Variants in KIAA1143 observed in about 807,000 individuals in gnomAD.
KIAA1143 encodes uncharacterized protein KIAA1143.
In KIAA1143, 8 loss-of-function variants were observed where a neutral mutation model predicts 17.0. That is an observed-to-expected ratio of 0.47 (90% CI 0.28 to 0.85). The LOEUF (loss-of-function observed/expected upper bound fraction) is 0.85, where lower values mean the gene tolerates loss of function less well. Among genes scored for constraint, KIAA1143 ranks in the 40% least tolerant of loss-of-function variants. The probability of loss-of-function intolerance (pLI) is 0.12; values close to 1 mark genes in which losing one functional copy is unlikely to be tolerated. For missense variants in KIAA1143, 162 were observed against 183.3 expected (o/e 0.88, Z 0.67); for synonymous variants, 64 against 67.8 (o/e 0.94, Z 0.27).
chr3:44,755,989 CTA>C (rs1227744625), intron 1 of KIAA1143, among the ~76,000 whole-genome samples: 1 of 152,202 alleles, frequency 6.6e-6, no homozygotes, highest in Non-Finnish European at 1.5e-5. Context: ...TTAATGGTAT[CTA>C]TGTTAGTTCA....
At chr3:44,760,104 T>C (rs902257950) in intron 1 of KIAA1143, among the ~76,000 whole-genome samples, 2 of 152,152 alleles carry the variant, frequency 1.3e-5, no homozygotes, top group Non-Finnish European at 2.9e-5. Flanking sequence ...CTTCACACTT[T>C]TCTTCTGCAG....
At chr3:44,759,121 C>T (rs141269390) in intron 1 of KIAA1143, among the ~76,000 whole-genome samples, 411 of 152,252 alleles carry the variant, frequency 2.7e-3, no homozygotes, top group Middle Eastern at 6.8e-3. Flanking sequence ...GCCTTGACTT[C>T]CCAAAGTGCT....
At chr3:44,754,474 G>T in intron 1 of KIAA1143, 106 bp from the exon 2 acceptor site, 1 of 1,058,864 alleles carries the variant, frequency 9.4e-7, no homozygotes, top group South Asian at 1.6e-5. Flanking sequence ...TATCTTTATT[G>T]AGTAAATAAG....
rs758194166 is a variant in KIAA1143, at chr3:44,761,478, G to T, written c.108+17C>A. 3.8e-6 allele frequency: 6 copies of T among 1,590,776 alleles called. No individual in the cohort carries two copies. Among genetic ancestry groups the T allele is most frequent in the African/African-American group, 1.3e-5 (1 of 74,154 alleles). On this transcript the variant is annotated intron_variant, in intron 1 of 2. Coordinates refer to ENST00000296121, the MANE Select transcript of KIAA1143 (RefSeq NM_020696.4). ...GCTGGCTGCGCTTCCGAAGAAACAC[G>T]ACTGGCGAAGGCTCACCTTAGTCTC...
At chr3:44,753,793 T>G (rs1347231088) in intron 2 of KIAA1143, among the ~76,000 whole-genome samples, 1 of 152,218 alleles carries the variant, frequency 6.6e-6, no homozygotes, top group Non-Finnish European at 1.5e-5. Context: ...GTTGTATTTT[T>G]AAGTAGTTTG....
Position 44,761,605 on chromosome 3 carries a change from T to C in KIAA1143, c.-3A>G. 2.5e-6 allele frequency: 4 copies of C among 1,569,824 alleles called. No individual in the cohort carries two copies. The highest frequency in any genetic ancestry group is 3.4e-6 in the Non-Finnish European group (4 of 1,165,242). ...GATACCTGGTTCCGCTTGCTCATGG[T>C]AGCTCTGGGTAAAGACAGAAGACAG... On this transcript the variant is annotated 5_prime_UTR_variant, in exon 1 of 3. Transcript: ENST00000296121.
intron 1 of KIAA1143, among the ~76,000 whole-genome samples, chr3:44,754,846 AT>A (rs1559510851): frequency 6.6e-6 from 1 of 152,176 alleles, no homozygotes; most frequent in East Asian, 1.9e-4. Context: ...TTTGGTGGAT[AT>A]TCTATCAGCT....
intron 1 of KIAA1143, 61 bp downstream of exon 1, chr3:44,761,434 C>A: frequency 7.1e-7 from 1 of 1,401,898 alleles, no homozygotes; most frequent in Non-Finnish European, 1.0e-6. Context: ...CAAGTAGAGG[C>A]AAAAGTTGAA....
rs1187270358 is a variant in KIAA1143, at chr3:44,749,382, C to CT, written c.*3958dup. The CT allele has an allele frequency of 6.6e-6, 1 of 152,164 alleles. No homozygotes were observed. The highest frequency in any genetic ancestry group is 1.5e-5 in the Non-Finnish European group (1 of 68,082). The allele number at this position is 152,164 out of a possible 1,614,324, so 9.4% of individuals were successfully genotyped here. ...CCAGCCTGGGTGACAGAGCGAGACT[C>CT]TGTCTCAAAAAAACAAAACAAAACA... On this transcript the variant is annotated 3_prime_UTR_variant, in exon 3 of 3. Transcript: ENST00000296121.
chr3:44,754,707 C>G (rs181673685), intron 1 of KIAA1143, among the ~76,000 whole-genome samples: 1 of 152,296 alleles, frequency 6.6e-6, no homozygotes, highest in African/African-American at 2.4e-5. Context: ...TGCTCCTCAT[C>G]AGCACTTTTT....
At position 44,759,894 on chromosome 3, in the gene KIAA1143, C is replaced by CAAAAAAAAAAAAAAAAA. The variant is rs527806223; in HGVS notation, c.108+1584_108+1600dup. Among the ~76,000 whole-genome samples, 55 of 51,078 alleles carry CAAAAAAAAAAAAAAAAA rather than the reference C, an allele frequency of 1.1e-3. 3 individuals carry two copies. The highest frequency in any genetic ancestry group is 2.3e-3 in the South Asian group (2 of 862). The allele number at this position is 51,078 out of a possible 152,430, so 33.5% of individuals were successfully genotyped here. A position where few individuals can be genotyped will look rare whatever the true frequency, so the allele number is the denominator to read the frequency against. On this transcript the variant is annotated intron_variant, in intron 1 of 2. Coordinates refer to ENST00000296121, the MANE Select transcript of KIAA1143 (RefSeq NM_020696.4). ...TGGGCGACAGAGTGAGACCCTATCT[C>CAAAAAAAAAAAAAAAAA]AAAAAAAAAAAAAAAAAAAAAGTCC...
At chr3:44,758,623 C>T (rs1270452756) in intron 1 of KIAA1143, among the ~76,000 whole-genome samples, 1 of 152,074 alleles carries the variant, frequency 6.6e-6, no homozygotes, top group African/African-American at 2.4e-5. Context: ...CTTGTTCTAC[C>T]ACACCTGCAA....
At chr3:44,756,426 G>A (rs955830412) in intron 1 of KIAA1143, among the ~76,000 whole-genome samples, 2 of 152,154 alleles carry the variant, frequency 1.3e-5, no homozygotes, top group Non-Finnish European at 2.9e-5. Context: ...ACCTCGGTGT[G>A]GTGGTGGGCA....
At chr3:44,759,796 G>C (rs1302578287) in intron 1 of KIAA1143, among the ~76,000 whole-genome samples, 1 of 149,678 alleles carries the variant, frequency 6.7e-6, no homozygotes, top group Non-Finnish European at 1.5e-5. Flanking sequence ...TTGAGAGGCT[G>C]AGGCAGGAGG....
intron 1 of KIAA1143, among the ~76,000 whole-genome samples, chr3:44,758,867 T>C (rs890685378): frequency 2.1e-4 from 32 of 150,760 alleles, no homozygotes; most frequent in African/African-American, 7.5e-4. Flanking sequence ...GTTTTGACTT[T>C]TTTTTTTTTT....
intron 2 of KIAA1143, among the ~76,000 whole-genome samples, chr3:44,753,966 AT>A (rs1028483921): frequency 6.6e-6 from 1 of 152,146 alleles, no homozygotes; most frequent in African/African-American, 2.4e-5. Context: ...AAAAAAAAAA[AT>A]AGGATGCTTT....
At position 44,753,528 on chromosome 3, in the gene KIAA1143, C is replaced by T. The variant is rs1704922996; in HGVS notation, c.278G>A (p.Gly93Glu). The T allele has an allele frequency of 6.2e-7, 1 of 1,611,924 alleles. No homozygotes were observed. Reference sequence around the variant, plus strand: ...GACTGGTTTTCGATATATGATTCTTCCATCGGCTGGAGTTGGTTCTTCATC... The same window carrying T: ...GACTGGTTTTCGATATATGATTCTTTCATCGGCTGGAGTTGGTTCTTCATC... ...KADEEPTPADGRIIYRKPVKH... is the reference protein window; with the variant it reads ...KADEEPTPADERIIYRKPVKH... Residue 93 changes from glycine to glutamate, a missense_variant, in exon 3 of 3, where the codon GGA (glycine) becomes GAA (glutamate). Gly to Glu is a moderately conservative substitution (Grantham distance 98, BLOSUM62 -2). Around this residue, in one of 2 missense-constraint regions of KIAA1143, gnomAD observed 137 missense variants for 132.5 expected, o/e 1.03. Transcript: ENST00000296121.
chr3:44,761,353 T>G (rs1452952817), intron 1 of KIAA1143, 142 bp downstream of exon 1: 4 of 637,368 alleles, frequency 6.3e-6, no homozygotes, highest in East Asian at 2.8e-5. Flanking sequence ...AGAACCAGCC[T>G]GGGGGTCCGA....
At position 44,751,163 on chromosome 3, in the gene KIAA1143, G is replaced by A. The variant is rs1168195682; in HGVS notation, c.*2178C>T. ...AGTATATGGGACTGCAGTTTATTTTGAAGTTAGGTCGGTTCTGCTGTGATT... is the reference window on the plus strand; with the variant it reads ...AGTATATGGGACTGCAGTTTATTTTAAAGTTAGGTCGGTTCTGCTGTGATT... On this transcript the variant is annotated 3_prime_UTR_variant, in exon 3 of 3. Transcript: ENST00000296121. The A allele has an allele frequency of 6.6e-6, 1 of 152,164 alleles. No homozygotes were observed. Among genetic ancestry groups the A allele is most frequent in the Non-Finnish European group, 1.5e-5 (1 of 68,054 alleles). The allele number at this position is 152,164 out of a possible 1,614,324, so 9.4% of individuals were successfully genotyped here.
Sources: gnomAD v4.1 joint callset for allele counts (sites outside exome capture counted in the v4.1 genomes callset) on GRCh38, gnomAD v4.1.1 for gene constraint, gnomAD v4.1.1 regional missense constraint, MANE v1.5 for transcripts, NCBI Gene and HGNC (gene_info 2026-07-23, HGNC 2026-07-21) for gene names.